The following SZT2 variants were observed in gnomAD, a reference collection of about 807,000 sequenced individuals.
The protein encoded by SZT2 is KICSTOR complex protein SZT2.
SZT2 carries 216 observed loss-of-function variants against 404.2 expected under a neutral mutation model. That is an observed-to-expected ratio of 0.53 (90% CI 0.48 to 0.60). The LOEUF is 0.60. Among genes scored for constraint, SZT2 ranks in the 20% least tolerant of loss-of-function variants. The pLI is 0.00. For synonymous variants in SZT2, 1,693 were observed against 1,749.9 expected (o/e 0.97, Z 0.81); for missense variants, 3,857 against 4,459.2 (o/e 0.86, Z 3.85).
chr1:43,414,715 TA>T (rs901949202), intron 4 of SZT2, among the ~76,000 whole-genome samples: 8 of 152,032 alleles, frequency 5.3e-5, no homozygotes, highest in Non-Finnish European at 1.2e-4. Context: ...AGTATGAGAA[TA>T]AAAAAGGCTT....
chr1:43,449,004 C>T (rs561579312), intron 70 of SZT2: 2 of 411,632 alleles, frequency 4.9e-6, no homozygotes, highest in Non-Finnish European at 8.8e-6. Flanking sequence ...AAGGAGCTGT[C>T]AGAACTTTGT....
chr1:43,393,087 G>T (rs937425988), intron 1 of SZT2, among the ~76,000 whole-genome samples: 2 of 152,208 alleles, frequency 1.3e-5, no homozygotes, highest in Admixed American at 6.5e-5. Context: ...GAAATGGGGA[G>T]GCAAGGGGTT....
In SZT2 at chr1:43,453,432, C is replaced by A. The variant is rs766452814; in HGVS notation, c.*2952C>A. The A allele has an allele frequency of 6.4e-7, 1 of 1,562,924 alleles. No homozygotes were observed. Among genetic ancestry groups the A allele is most frequent in the East Asian group, 2.4e-5 (1 of 41,578 alleles). On this transcript the variant is annotated 3_prime_UTR_variant, in exon 72 of 72. Transcript: ENST00000634258. ...GCATACCGCACGGCCTGCTCCAGTC[C>A]CTCTCGGAAGGCCGCCTGTCTCCCG...
intron 36 of SZT2, 57 bp downstream of exon 36, chr1:43,431,958 C>G (rs1653944217): frequency 1.9e-6 from 3 of 1,589,094 alleles, no homozygotes; most frequent in East Asian, 2.2e-5. Context: ...TCCCTGGGCC[C>G]CAGGCACAGG....
At position 43,428,424 on chromosome 1, in the gene SZT2, C is replaced by G. The variant is rs763142408; in HGVS notation, c.4104C>G (p.Phe1368Leu). 4.3e-6 allele frequency: 7 copies of G among 1,614,016 alleles called. No homozygotes were observed. In the Admixed American group the frequency reaches 1.0e-4, roughly 23 times the overall value. ...CTGGTCCTCTCAGCCCTGGGCCCTT[C>G]AGCAGCAGCATGGAGGAGGGTGCTG... ...PSPGPLSPGP[F>L]SSSMEEGAEP... Residue 1368 changes from phenylalanine (F) to leucine (L), a missense_variant, in exon 28 of 72, where the codon TTC (phenylalanine) becomes TTG (leucine). Phe to Leu is a conservative substitution (Grantham distance 22, BLOSUM62 0). Transcript: ENST00000634258.
chr1:43,441,103 G>T lies in SZT2; in HGVS notation c.7345-111G>T. ...TTAGCCAGCCCCTGGGGAAGCCAGG[G>T]TCTGAACCCAGACCTCTGAATCCTC... On this transcript the variant is annotated intron_variant, in intron 52 of 71. Coordinates refer to ENST00000634258, the MANE Select transcript of SZT2 (RefSeq NM_001365999.1). This position sits in a 1 kb window ranked among gnomAD's most constrained non-coding sequence, Gnocchi z 4.8. The T allele has an allele frequency of 7.1e-7, 1 of 1,400,700 alleles. No individual in the cohort carries two copies. The allele number at this position is 1,400,700 out of a possible 1,614,324, so 86.8% of individuals were successfully genotyped here.
intron 36 of SZT2, 111 bp downstream of exon 36, chr1:43,432,012 C>A: frequency 7.5e-7 from 1 of 1,329,522 alleles, no homozygotes. Flanking sequence ...AGTTATCCCT[C>A]CTGTCTCCCT....
rs41307834 is a variant in SZT2, at chr1:43,424,465, G to T, written c.2471+33G>T. ...ATCCAAGCCTGCCAGGTCACTCGGG[G>T]CAAGGAGAGAGCAAGTGTAGACTGG... On this transcript the variant is annotated intron_variant, in intron 16 of 71. Coordinates refer to ENST00000634258, the MANE Select transcript of SZT2 (RefSeq NM_001365999.1). The surrounding 1 kb of genome is among the most constrained non-coding windows in gnomAD (Gnocchi z 4.1). The T allele has an allele frequency of 1.3e-6, 2 of 1,591,122 alleles. No individual in the cohort carries two copies. Among genetic ancestry groups the T allele is most frequent in the Non-Finnish European group, 1.7e-6 (2 of 1,174,646 alleles).
Position 43,430,356 on chromosome 1 carries a change from G to A in SZT2, c.4447G>A (p.Glu1483Lys), listed in dbSNP as rs1179299641. 4 of 1,609,964 alleles carry A rather than the reference G, an allele frequency of 2.5e-6. No individual in the cohort carries two copies. The African/African-American group carries it at 5.4e-5, about 22-fold the overall frequency. ...DTVDRKISDL[E>K]FSEAELMGEE... ...AGTAGACAGAAAAATCAGTGACCTGGAGTTTTCAGAGGCTGAGCTTATGGG... is the reference window on the plus strand; with the variant it reads ...AGTAGACAGAAAAATCAGTGACCTGAAGTTTTCAGAGGCTGAGCTTATGGG... Residue 1483 changes from glutamate (E) to lysine (K), a missense_variant, in exon 31 of 72, where the codon GAG (glutamate) becomes AAG (lysine). Around this residue, in one of 7 missense-constraint regions of SZT2, gnomAD observed 1,725 missense variants for 1,881.0 expected, o/e 0.92. Coordinates refer to ENST00000634258, the MANE Select transcript of SZT2 (RefSeq NM_001365999.1).
In SZT2 at chr1:43,442,950, A is replaced by C. The variant is rs1655236322; in HGVS notation, c.8283A>C (p.Thr2761=). Residue 2761 remains threonine (T), a synonymous_variant, in exon 59 of 72, where the codon ACA becomes ACC. Coordinates refer to ENST00000634258, the MANE Select transcript of SZT2 (RefSeq NM_001365999.1). The surrounding 1 kb of genome is among the most constrained non-coding windows in gnomAD (Gnocchi z 4.5). ...GTGGGGGTCCTCTTCCCCTGGACAC[A>C]TTCCCCTTTGACGAGGCCCTAAGGG... ...SRGGGPLPLD[T]FPFDEALRDI... 2 of 1,614,076 alleles carry C rather than the reference A, an allele frequency of 1.2e-6. No individual in the cohort carries two copies. The highest frequency in any genetic ancestry group is 1.7e-6 in the Non-Finnish European group (2 of 1,180,000).
intron 6 of SZT2, 56 bp downstream of exon 6, chr1:43,416,157 G>A: frequency 6.4e-7 from 1 of 1,571,580 alleles, no homozygotes; most frequent in Non-Finnish European, 8.6e-7. Flanking sequence ...GAAGGGTGGG[G>A]CTGACTGCTA....
Position 43,453,902 on chromosome 1 carries a change from C to A in SZT2, c.*3422C>A. ...TCTCCTTGCTGGCCCTGCGAACGAA[C>A]GAGCACTGTTCGTGGTTAGAAAAGC... On this transcript the variant is annotated 3_prime_UTR_variant, in exon 72 of 72. Transcript: ENST00000634258. 8.2e-7 allele frequency: 1 copy of A among 1,216,440 alleles called. No homozygotes were observed. The highest frequency in any genetic ancestry group is 1.0e-6 in the Non-Finnish European group (1 of 979,028). The allele number at this position is 1,216,440 out of a possible 1,614,324, so 75.4% of individuals were successfully genotyped here.
At chr1:43,403,891 C>A in intron 3 of SZT2, 117 bp downstream of exon 3, 2 of 1,161,424 alleles carry the variant, frequency 1.7e-6, no homozygotes, top group Non-Finnish European at 2.5e-6. Context: ...AGAAGACAGG[C>A]TTATAAAGGA....
rs1215909636 is a variant in SZT2 at position 43,424,007 on chromosome 1, C to T, written c.2256-210C>T. On this transcript the variant is annotated intron_variant, in intron 15 of 71. Coordinates refer to ENST00000634258, the MANE Select transcript of SZT2 (RefSeq NM_001365999.1). The surrounding 1 kb of genome is among the most constrained non-coding windows in gnomAD (Gnocchi z 4.1). Reference sequence around the variant, plus strand: ...GAGGCATGGAAGGGCGTGGCTTAGCCGGGTATGAGTGGTACAGAGGTGTGG... The same window carrying T: ...GAGGCATGGAAGGGCGTGGCTTAGCTGGGTATGAGTGGTACAGAGGTGTGG... Among the ~76,000 whole-genome samples, 3 of 105,014 alleles carry T rather than the reference C, an allele frequency of 2.9e-5. No homozygotes were observed. The highest frequency in any genetic ancestry group is 1.9e-4 in the Admixed American group (2 of 10,372). The allele number at this position is 105,014 out of a possible 152,430, so 68.9% of individuals were successfully genotyped here. A position where few individuals can be genotyped will look rare whatever the true frequency, so the allele number is the denominator to read the frequency against.
At chr1:43,406,236 C>T (rs1023020338) in intron 4 of SZT2, 3 of 317,662 alleles carry the variant, frequency 9.4e-6, no homozygotes, top group African/African-American at 4.6e-5. Context: ...TACAGGTGCC[C>T]ACTACCACAC....
intron 37 of SZT2, 24 bp downstream of exon 37, chr1:43,432,463 G>A (rs372353520): frequency 1.9e-6 from 3 of 1,562,982 alleles, no homozygotes; most frequent in Non-Finnish European, 1.7e-6. Flanking sequence ...GGGAATGGAG[G>A]GGGGTGGTGG....
chr1:43,398,078 G>A (rs1649216442), intron 1 of SZT2, among the ~76,000 whole-genome samples: 1 of 152,168 alleles, frequency 6.6e-6, no homozygotes. Context: ...GGGCCAAAAC[G>A]CTTTTCCTTG....
Position 43,453,762 on chromosome 1 carries a change from G to C in SZT2, c.*3282G>C, listed in dbSNP as rs901383791. Reference sequence around the variant, plus strand: ...GCCGGAGAGCTCGGGGAATAGCCAGGACAGATTGGCGGAGAAGCGCAGCGG... The same window carrying C: ...GCCGGAGAGCTCGGGGAATAGCCAGCACAGATTGGCGGAGAAGCGCAGCGG... On this transcript the variant is annotated 3_prime_UTR_variant, in exon 72 of 72. Transcript: ENST00000634258. 2 of 1,316,048 alleles carry C rather than the reference G, an allele frequency of 1.5e-6. No homozygotes were observed. The highest frequency in any genetic ancestry group is 4.6e-5 in the South Asian group (2 of 43,552). 81.5% of individuals were successfully genotyped at this position (1,316,048 alleles called of 1,614,324 possible). A position where few individuals can be genotyped will look rare whatever the true frequency, so the allele number is the denominator to read the frequency against.
rs1648068756 is a variant in SZT2, at chr1:43,389,974, C to T, written c.6C>T (p.Ala2=). The change falls in exon 1 of 72, where the codon GCC becomes GCT. Residue 2 remains alanine, a synonymous_variant. Coordinates refer to ENST00000634258, the MANE Select transcript of SZT2 (RefSeq NM_001365999.1). ...CGGCGCGGGAGGGCTGTGTGATGGCCTCGGAGCGCCCGGAGCCGGAGGTGA... is the reference window on the plus strand; with the variant it reads ...CGGCGCGGGAGGGCTGTGTGATGGCTTCGGAGCGCCCGGAGCCGGAGGTGA... M[A]SERPEPEVEE... 3 of 1,406,054 alleles carry T rather than the reference C, an allele frequency of 2.1e-6. No homozygotes were observed. The highest frequency in any genetic ancestry group is 2.9e-5 in the East Asian group (1 of 34,984). 87.1% of individuals were successfully genotyped at this position (1,406,054 alleles called of 1,614,324 possible). A position where few individuals can be genotyped will look rare whatever the true frequency, so the allele number is the denominator to read the frequency against.
Sources: allele counts gnomAD v4.1 joint callset (sites outside exome capture counted in the v4.1 genomes callset), GRCh38; gene constraint gnomAD v4.1.1; regional missense constraint gnomAD v4.1.1; non-coding constraint Gnocchi (gnomAD v3.1); transcripts MANE v1.5; gene names NCBI Gene and HGNC (gene_info 2026-07-23, HGNC 2026-07-21).